SLC5A5: variants seen among roughly 807,000 people sequenced by gnomAD.
SLC5A5 encodes solute carrier family 5 member 5, also known as sodium/iodide cotransporter.
A neutral mutation model predicts 68.6 loss-of-function variants in SLC5A5; 56 were observed. That is an observed-to-expected ratio of 0.82 (90% CI 0.66 to 1.02). The LOEUF (loss-of-function observed/expected upper bound fraction) is 1.02. SLC5A5 is among the 50% of genes least tolerant of loss of function. The pLI is 0.00. For synonymous variants in SLC5A5, 398 were observed against 373.0 expected, an observed-to-expected ratio of 1.07 and a Z score of -0.77; for missense variants, 807 against 859.8, an observed-to-expected ratio of 0.94 and a Z score of 0.77.
Position 17,893,819 on chromosome 19 carries a change from C to G in SLC5A5, c.1874C>G (p.Ser625Cys). 6.2e-7 allele frequency: 1 copy of G among 1,601,674 alleles called. No homozygotes were observed. The highest frequency in any genetic ancestry group is 8.5e-7 in the Non-Finnish European group (1 of 1,173,118). The change falls in exon 15 of 15, where the codon TCT (serine) becomes TGT (cysteine). Residue 625 changes from serine to cysteine, a missense_variant. By Grantham distance (112) the Ser-to-Cys change is moderately radical. Transcript: ENST00000222248. ...LGQKELEGAG[S>C]WTPCVGHDGG... ...CAGAAGGAGCTGGAGGGGGCTGGCT[C>G]TTGGACCCCCTGTGTTGGACATGAT... is the stretch of plus-strand genomic sequence containing the variant.
chr19:17,888,451 G>A lies in SLC5A5; in HGVS notation c.1647G>A (p.Leu549=), dbSNP rs902725528. Residue 549 remains leucine, a synonymous_variant, in exon 13 of 15, where the codon CTG becomes CTA. Coordinates refer to ENST00000222248, the MANE Select transcript of SLC5A5 (RefSeq NM_000453.3). The part of the protein sequence containing the change: ...TVLCGALISC[L]TGPTKRSTLA... ...TGTGCGGAGCCCTCATCAGCTGCCT[G>A]ACAGGTAGGTAAACAGAGCATGTGG... 2.5e-5 allele frequency: 40 copies of A among 1,613,582 alleles called. No homozygotes were observed. The highest frequency in any genetic ancestry group is 3.3e-5 in the Admixed American group (2 of 59,960).
In SLC5A5 at chr19:17,890,227, C is replaced by A. The variant is rs537161715; in HGVS notation, c.1652-659C>A. Among the ~76,000 whole-genome samples, 18 of 152,014 alleles carry A rather than the reference C, an allele frequency of 1.2e-4. No homozygotes were observed. In the East Asian group the frequency reaches 3.5e-3, roughly 29 times the overall value. ...CTGGGATTACAAGCGCCCACCCCCA[C>A]GCCTGGCTAATTTTTGTATTTTTAG... On this transcript the variant is annotated intron_variant, in intron 13 of 14. Coordinates refer to ENST00000222248, the MANE Select transcript of SLC5A5 (RefSeq NM_000453.3).
chr19:17,876,443 A>AAAAAT lies in SLC5A5; in HGVS notation c.698+337_698+338insAAAAT, dbSNP rs1555752055. 2.8e-5 allele frequency among the ~76,000 whole-genome samples: 4 copies of AAAAAT among 143,986 alleles called. 1 individual carries two copies. The highest frequency in any genetic ancestry group is 7.8e-5 in the African/African-American group (3 of 38,592). 94.5% of individuals were successfully genotyped at this position (143,986 alleles called of 152,430 possible). On this transcript the variant is annotated intron_variant, in intron 5 of 14. Transcript: ENST00000222248. ...CCCTGTCTCAAAAAAAAAAAAAAAAAGAGGCTGGGTGCAGTGGTTCATGCC... is the reference window on the plus strand; with the variant it reads ...CCCTGTCTCAAAAAAAAAAAAAAAAAAAAATGAGGCTGGGTGCAGTGGTTCATGCC...
At chr19:17,893,194 T>C (rs2030266879) in intron 14 of SLC5A5, among the ~76,000 whole-genome samples, 1 of 150,440 alleles carries the variant, frequency 6.6e-6, no homozygotes, top group Non-Finnish European at 1.5e-5. Context: ...CCAACCTCCA[T>C]GGTCCGAGAA....
In SLC5A5 at chr19:17,872,483, C is replaced by T. The variant is rs780633299; in HGVS notation, c.164C>T (p.Ala55Val). ...EDFFTGGRRL[A>V]ALPVGLSLSA... ...TTCTTCACCGGGGGCCGGCGCCTGG[C>T]GGCCCTGCCCGTGGGCCTGTCGCTG... The change falls in exon 1 of 15, where the codon GCG (alanine) becomes GTG (valine). Residue 55 changes from alanine to valine, a missense_variant. Ala to Val is a moderately conservative substitution (Grantham distance 64). Transcript: ENST00000222248. The T allele has an allele frequency of 1.2e-6, 2 of 1,611,488 alleles. No individual in the cohort carries two copies. The highest frequency in any genetic ancestry group is 1.7e-6 in the Non-Finnish European group (2 of 1,179,378).
chr19:17,892,695 A>AGAGGGAGC (rs528009112), intron 14 of SLC5A5, among the ~76,000 whole-genome samples: 1 of 148,606 alleles, frequency 6.7e-6, no homozygotes, highest in East Asian at 2.2e-4. Flanking sequence ...AGAGAGAGAG[A>AGAGGGAGC]GAGCAAGCTA....
In SLC5A5 at chr19:17,893,904, C is replaced by A. The variant is rs1168873474; in HGVS notation, c.*27C>A. The stretch of plus-strand genomic sequence containing the variant: ...GACAGGGCCAGCCGCGGGACTGACA[C>A]CCTGGGATGGAACCTCAGGATGGGC... On this transcript the variant is annotated 3_prime_UTR_variant, in exon 15 of 15. Coordinates refer to ENST00000222248, the MANE Select transcript of SLC5A5 (RefSeq NM_000453.3). 2 of 1,551,042 alleles carry A rather than the reference C, an allele frequency of 1.3e-6. No individual in the cohort carries two copies. The highest frequency in any genetic ancestry group is 1.7e-6 in the Non-Finnish European group (2 of 1,145,880).
At position 17,884,043 on chromosome 19, in the gene SLC5A5, C is replaced by G; in HGVS notation, c.1523C>G (p.Pro508Arg). The G allele has an allele frequency of 3.8e-6, 6 of 1,562,300 alleles. No individual in the cohort carries two copies. Among genetic ancestry groups the G allele is most frequent in the Non-Finnish European group, 5.2e-6 (6 of 1,156,312 alleles). Residue 508 changes from proline to arginine, a missense_variant, in exon 12 of 15, where the codon CCC (proline) becomes CGC (arginine). Transcript: ENST00000222248. Reference sequence around the variant, plus strand: ...CCTGCTAACGACTCCAGCAGGGCCCCCAGGTGAGCAGACTTGAGGGTAGGG... The same window carrying G: ...CCTGCTAACGACTCCAGCAGGGCCCGCAGGTGAGCAGACTTGAGGGTAGGG... ...LLPANDSSRA[P>R]SSGMDASRPA... is the part of the protein sequence containing the mutation.
At chr19:17,877,543 G>C (rs2094310277) in intron 5 of SLC5A5, among the ~76,000 whole-genome samples, 180 bp from the exon 6 acceptor site, 1 of 152,170 alleles carries the variant, frequency 6.6e-6, no homozygotes, top group African/African-American at 2.4e-5. Flanking sequence ...TGTGACCTCA[G>C]GTGATCCATC....
Position 17,883,906 on chromosome 19 carries a change from C to T in SLC5A5, c.1386C>T (p.Gly462=). The T allele has an allele frequency of 6.4e-7, 1 of 1,568,650 alleles. No homozygotes were observed. The highest frequency in any genetic ancestry group is 8.6e-7 in the Non-Finnish European group (1 of 1,158,474). Residue 462 remains glycine, a synonymous_variant, in exon 12 of 15, where the codon GGC becomes GGT. Coordinates refer to ENST00000222248, the MANE Select transcript of SLC5A5 (RefSeq NM_000453.3). The part of the protein sequence containing the change: ...GLALSLWVAL[G]ATLYPPSEQT... ...CGCTGTCGCTGTGGGTGGCCTTGGG[C>T]GCCACGCTGTACCCACCCAGCGAGC...
intron 14 of SLC5A5, among the ~76,000 whole-genome samples, chr19:17,892,695 A>AGAGAGAGAGAGCGAGC (rs528009112): frequency 1.3e-5 from 2 of 148,722 alleles, no homozygotes; most frequent in East Asian, 2.2e-4. Context: ...AGAGAGAGAG[A>AGAGAGAGAGAGCGAGC]GAGCAAGCTA....
chr19:17,888,630 A>G (rs1190716716), intron 13 of SLC5A5, among the ~76,000 whole-genome samples, 175 bp downstream of exon 13: 2 of 150,790 alleles, frequency 1.3e-5, no homozygotes, highest in Non-Finnish European at 2.9e-5. Flanking sequence ...CATCATCATC[A>G]TCATCATCAT....
Position 17,877,765 on chromosome 19 carries a change from T to C in SLC5A5, c.741T>C (p.Phe247=), listed in dbSNP as rs771313537. Reference sequence around the variant, plus strand: ...GGAGCCGCTATACATTCTGGACTTTTGTGGTGGGTGGCACGTTGGTGTGGC... The same window carrying C: ...GGAGCCGCTATACATTCTGGACTTTCGTGGTGGGTGGCACGTTGGTGTGGC... ...DPRSRYTFWT[F]VVGGTLVWLS... is the part of the protein sequence containing the mutation. Residue 247 remains phenylalanine (F), a synonymous_variant, in exon 6 of 15, where the codon TTT becomes TTC. Coordinates refer to ENST00000222248, the MANE Select transcript of SLC5A5 (RefSeq NM_000453.3). 4.3e-6 allele frequency: 7 copies of C among 1,614,244 alleles called. No homozygotes were observed. In the Admixed American group the frequency reaches 6.7e-5, roughly 15 times the overall value.
At chr19:17,893,411 T>G (rs1232780306) in intron 14 of SLC5A5, among the ~76,000 whole-genome samples, 1 of 152,080 alleles carries the variant, frequency 6.6e-6, no homozygotes, top group Non-Finnish European at 1.5e-5. Flanking sequence ...CCAGAAATAT[T>G]TATTTTCTTG....
At chr19:17,875,619 T>A (rs961776459) in intron 4 of SLC5A5, among the ~76,000 whole-genome samples, 95 of 135,468 alleles carry the variant, frequency 7.0e-4, no homozygotes, top group African/African-American at 1.4e-3. Flanking sequence ...ACAAAAAAAA[T>A]TTTTTTTAAA....
intron 2 of SLC5A5, 95 bp from the exon 3 acceptor site, chr19:17,874,399 C>T (rs2094301761): frequency 3.1e-6 from 4 of 1,288,072 alleles, no homozygotes; most frequent in African/African-American, 2.9e-5. Flanking sequence ...CTATCTGCCC[C>T]GCCCATATTC....
chr19:17,874,384 C>T (rs2094301713), intron 2 of SLC5A5, 110 bp from the exon 3 acceptor site: 2 of 1,176,746 alleles, frequency 1.7e-6, no homozygotes, highest in Non-Finnish European at 1.3e-6. Flanking sequence ...TCTGGAAGAC[C>T]CGGCCTATCT....
Position 17,884,017 on chromosome 19 carries a change from C to A in SLC5A5, c.1497C>A (p.Leu499=). The A allele has an allele frequency of 6.4e-7, 1 of 1,572,760 alleles. No individual in the cohort carries two copies. Among genetic ancestry groups the A allele is most frequent in the Non-Finnish European group, 8.6e-7 (1 of 1,161,270 alleles). Residue 499 remains leucine, a synonymous_variant, in exon 12 of 15, where the codon CTC becomes CTA. Transcript: ENST00000222248. The stretch of plus-strand genomic sequence containing the variant: ...CTGGCCTCCTGGACCCGGCTCTCCT[C>A]CCTGCTAACGACTCCAGCAGGGCCC... ...NASGLLDPAL[L]PANDSSRAPS...
At chr19:17,881,892 G>A in intron 8 of SLC5A5, 68 bp from the exon 9 acceptor site, 1 of 1,258,762 alleles carries the variant, frequency 7.9e-7, no homozygotes, top group Non-Finnish European at 1.2e-6. Context: ...GGTGAGGTCT[G>A]GCAGGCCAGA....
Sources: allele counts gnomAD v4.1 joint callset (sites outside exome capture counted in the v4.1 genomes callset), GRCh38; gene constraint gnomAD v4.1.1; transcripts MANE v1.5; gene names NCBI Gene and HGNC (gene_info 2026-07-23, HGNC 2026-07-21).